RXFP2: variants seen among roughly 807,000 people sequenced by gnomAD.
The protein encoded by RXFP2 is relaxin family peptide receptor 2.
Under a neutral mutation model 88.6 loss-of-function variants are expected in RXFP2, and 68 were observed. That is an observed-to-expected ratio of 0.77 (90% CI 0.63 to 0.94). The LOEUF is 0.94. RXFP2 is among the 40% of genes least tolerant of loss of function. RXFP2 has a pLI of 0.00. For missense variants in RXFP2, 791 were observed against 893.9 expected (o/e 0.88, Z 1.47); for synonymous variants, 329 against 306.8 (o/e 1.07, Z -0.76).
chr13:31,797,728 C>T (rs911776469), intron 17 of RXFP2, among the ~76,000 whole-genome samples: 11 of 152,094 alleles, frequency 7.2e-5, no homozygotes, highest in South Asian at 2.1e-4. Flanking sequence ...AGGTTCCACC[C>T]GGGACTGTTT....
Position 31,791,823 on chromosome 13 carries a change from G to C in RXFP2, c.1163G>C (p.Arg388Pro). The change falls in exon 15 of 18, where the codon CGA becomes CCA. Residue 388 changes from arginine (R) to proline (P), a missense_variant. Physicochemically the swap from Arg to Pro is moderately radical, Grantham distance 103. Coordinates refer to ENST00000298386, the MANE Select transcript of RXFP2 (RefSeq NM_130806.5). ...NLSHIYFKNF[R>P]YCSYAPHVRI... ...GACTTTAGTTATTTCAAAAACTTTC[G>C]ATACTGCTCCTATGCTCCCCATGTC... 1.2e-6 allele frequency: 2 copies of C among 1,613,840 alleles called. No homozygotes were observed. The highest frequency in any genetic ancestry group is 1.7e-6 in the Non-Finnish European group (2 of 1,179,856).
At chr13:31,763,081 CTTTTTT>C (rs71099991) in intron 3 of RXFP2, among the ~76,000 whole-genome samples, 3 of 112,876 alleles carry the variant, frequency 2.7e-5, no homozygotes, top group African/African-American at 3.2e-5. Flanking sequence ...TGTCTGGAGA[CTTTTTT>C]TTTTTTTTTT....
chr13:31,741,097 G>A (rs900858480), intron 1 of RXFP2, among the ~76,000 whole-genome samples: 1 of 151,788 alleles, frequency 6.6e-6, no homozygotes, highest in African/African-American at 2.4e-5. Context: ...AATTGATTTT[G>A]CTTAAACCGT....
At chr13:31,767,384 G>A (rs920950962) in intron 5 of RXFP2, among the ~76,000 whole-genome samples, 1 of 152,126 alleles carries the variant, frequency 6.6e-6, no homozygotes, top group Non-Finnish European at 1.5e-5. Flanking sequence ...GGCTCTGCAT[G>A]TCCAGATTCC....
intron 10 of RXFP2, among the ~76,000 whole-genome samples, chr13:31,782,141 A>T (rs1027468269): frequency 5.9e-5 from 9 of 152,186 alleles, no homozygotes; most frequent in African/African-American, 2.2e-4. Flanking sequence ...AAAAAAAATC[A>T]TAATTTCATC....
chr13:31,790,560 C>G (rs115205914), intron 14 of RXFP2, among the ~76,000 whole-genome samples: 1 of 152,172 alleles, frequency 6.6e-6, no homozygotes, highest in Non-Finnish European at 1.5e-5. Context: ...AGTACCTACA[C>G]GTGCCAGGCA....
intron 14 of RXFP2, among the ~76,000 whole-genome samples, chr13:31,791,495 A>C (rs930697059): frequency 6.6e-6 from 1 of 152,130 alleles, no homozygotes; most frequent in African/African-American, 2.4e-5. Context: ...TTTTCATAAT[A>C]CCTTACAGAA....
chr13:31,750,875 G>A lies in RXFP2; in HGVS notation c.95-7383G>A, dbSNP rs74622265. ...TGACTTACTTGTATGGTTCTTCTGA[G>A]AAATTTAATTGTGAAGGGGAGGAGA... On this transcript the variant is annotated intron_variant, in intron 1 of 17. Coordinates refer to ENST00000298386, the MANE Select transcript of RXFP2 (RefSeq NM_130806.5). Among the ~76,000 whole-genome samples the A allele has an allele frequency of 3.3e-3, 506 of 152,296 alleles. 5 individuals are homozygous for A. The highest frequency in any genetic ancestry group is 0.011 in the African/African-American group (461 of 41,564).
chr13:31,787,657 T>A (rs576910135), intron 13 of RXFP2, among the ~76,000 whole-genome samples: 1 of 151,918 alleles, frequency 6.6e-6, no homozygotes, highest in East Asian at 1.9e-4. Context: ...TTCTTTCTTT[T>A]GAGACAGAGT....
At chr13:31,760,602 T>C (rs904793542) in intron 2 of RXFP2, among the ~76,000 whole-genome samples, 3 of 152,214 alleles carry the variant, frequency 2.0e-5, no homozygotes, top group African/African-American at 7.2e-5. Flanking sequence ...GTTTACCCCA[T>C]GAGGATTTCT....
chr13:31,791,385 C>CT (rs1873782322), intron 14 of RXFP2, among the ~76,000 whole-genome samples: 1 of 152,142 alleles, frequency 6.6e-6, no homozygotes, highest in African/African-American at 2.4e-5. Context: ...AAACTCAGGA[C>CT]AAGACAGAAA....
chr13:31,744,522 C>T (rs1169903446), intron 1 of RXFP2, among the ~76,000 whole-genome samples: 3 of 152,184 alleles, frequency 2.0e-5, no homozygotes, highest in Non-Finnish European at 4.4e-5. Flanking sequence ...TGGTACAGAT[C>T]TCCATTAGCC....
chr13:31,786,828 A>C (rs1490824050), intron 13 of RXFP2, among the ~76,000 whole-genome samples, 191 bp downstream of exon 13: 4 of 152,222 alleles, frequency 2.6e-5, no homozygotes, highest in African/African-American at 9.6e-5. Flanking sequence ...TATGAAGTCC[A>C]TTTCTGTACT....
At position 31,752,990 on chromosome 13, in the gene RXFP2, C is replaced by T. The variant is rs139961977; in HGVS notation, c.95-5268C>T. Reference sequence around the variant, plus strand: ...GGCTTGCCGGCAATTTCTATAGCCCCTCTGAGGCACCATTGCCATCCTTGG... The same window carrying T: ...GGCTTGCCGGCAATTTCTATAGCCCTTCTGAGGCACCATTGCCATCCTTGG... On this transcript the variant is annotated intron_variant, in intron 1 of 17. Coordinates refer to ENST00000298386, the MANE Select transcript of RXFP2 (RefSeq NM_130806.5). 1.7e-4 allele frequency among the ~76,000 whole-genome samples: 26 copies of T among 152,324 alleles called. No homozygotes were observed. The East Asian group carries it at 4.0e-3, about 24-fold the overall frequency.
At chr13:31,760,245 T>C (rs1466006271) in intron 2 of RXFP2, among the ~76,000 whole-genome samples, 1 of 152,038 alleles carries the variant, frequency 6.6e-6, no homozygotes, top group Admixed American at 6.6e-5. Flanking sequence ...CCCTCCACCA[T>C]GCCCAGCTAA....
chr13:31,766,588 C>T (rs1047400140), intron 5 of RXFP2, among the ~76,000 whole-genome samples: 2 of 151,920 alleles, frequency 1.3e-5, no homozygotes, highest in Admixed American at 6.6e-5. Context: ...GAAAGAAAAC[C>T]GGGAACTGGG....
intron 1 of RXFP2, among the ~76,000 whole-genome samples, chr13:31,749,145 A>G (rs909010459): frequency 6.6e-6 from 1 of 152,086 alleles, no homozygotes; most frequent in South Asian, 2.1e-4. Flanking sequence ...TTCTTATGTT[A>G]TCTTCTAGAA....
Position 31,759,443 on chromosome 13 carries a change from A to T in RXFP2, c.241+1039A>T, listed in dbSNP as rs149670318. On this transcript the variant is annotated intron_variant, in intron 2 of 17. Coordinates refer to ENST00000298386, the MANE Select transcript of RXFP2 (RefSeq NM_130806.5). ...AAAGAAAGAAAGAAAGAAAGAAAGA[A>T]AGATACTGTGAAATATTCTGGAGGG... 5.6e-4 allele frequency among the ~76,000 whole-genome samples: 84 copies of T among 151,268 alleles called. 1 individual carries two copies. The highest frequency in any genetic ancestry group is 1.7e-3 in the African/African-American group (68 of 41,116).
intron 1 of RXFP2, among the ~76,000 whole-genome samples, chr13:31,755,786 C>T (rs944969309): frequency 8.5e-5 from 13 of 152,198 alleles, no homozygotes; most frequent in African/African-American, 2.4e-4. Context: ...GGTCTTATGC[C>T]TAGCTGCCGG....
Sources: gnomAD v4.1 joint callset for allele counts (sites outside exome capture counted in the v4.1 genomes callset) on GRCh38, gnomAD v4.1.1 for gene constraint, MANE v1.5 for transcripts, NCBI Gene and HGNC (gene_info 2026-07-23, HGNC 2026-07-21) for gene names.